Variants in DEPDC5 observed in about 807,000 individuals in gnomAD.
DEPDC5 encodes DEP domain containing 5, GATOR1 subcomplex subunit.
A neutral mutation model predicts 217.3 loss-of-function variants in DEPDC5; 73 were observed. The ratio of observed to expected loss-of-function variants is 0.34; its 90% CI spans 0.28 to 0.41. DEPDC5 has a LOEUF of 0.41. Ranked by LOEUF, DEPDC5 falls within the 10% of genes least tolerant of loss-of-function variation. DEPDC5 has a pLI of 1.00. For missense variants in DEPDC5, 1,675 were observed against 2,070.1 expected (o/e 0.81, Z 3.70); for synonymous variants, 733 against 756.7 (o/e 0.97, Z 0.51).
Position 31,867,073 on chromosome 22 carries a change from G to A in DEPDC5, c.3331-3517G>A, listed in dbSNP as rs144735029. Among the ~76,000 whole-genome samples, 511 of 152,066 alleles carry A rather than the reference G, an allele frequency of 3.4e-3. 2 individuals are homozygous for A. Among genetic ancestry groups the A allele is most frequent in the African/African-American group, 0.012 (490 of 41,484 alleles). On this transcript the variant is annotated intron_variant, in intron 33 of 42. Coordinates refer to ENST00000651528, the MANE Select transcript of DEPDC5 (RefSeq NM_001242896.3). ...ATATGTTCAGTGGAGTCCTTTTTTC[G>A]GACAAGGTTCATAAGATTCTTAAGA...
chr22:31,891,178 C>T, intron 38 of DEPDC5: 1 of 550,744 alleles, frequency 1.8e-6, no homozygotes, highest in South Asian at 1.6e-5. Flanking sequence ...TTTAAACTGT[C>T]AAGTACTAGG....
At chr22:31,776,665 C>T (rs1428929398) in intron 7 of DEPDC5, among the ~76,000 whole-genome samples, 1 of 149,872 alleles carries the variant, frequency 6.7e-6, no homozygotes, top group Non-Finnish European at 1.5e-5. Context: ...CAATCTCTGC[C>T]TCCGGGGTTC....
intron 30 of DEPDC5, 142 bp downstream of exon 30, chr22:31,845,379 TCTC>T: frequency 2.6e-6 from 3 of 1,150,022 alleles, no homozygotes; most frequent in Middle Eastern, 5.6e-4. Flanking sequence ...AACAGTGTTT[TCTC>T]CTCCACCGCG....
chr22:31,795,480 G>A (rs1231935032), intron 12 of DEPDC5, among the ~76,000 whole-genome samples: 6 of 151,848 alleles, frequency 4.0e-5, no homozygotes, highest in African/African-American at 2.4e-5. Context: ...TGCAAACTCC[G>A]CCTTCCAGGT....
intron 10 of DEPDC5, among the ~76,000 whole-genome samples, chr22:31,787,302 C>A (rs565150865): frequency 1.2e-3 from 179 of 152,048 alleles, no homozygotes; most frequent in Admixed American, 2.4e-3. Context: ...CCAGGCTGGT[C>A]TCAAACCCCT....
intron 41 of DEPDC5, among the ~76,000 whole-genome samples, chr22:31,905,605 G>C (rs954332668): frequency 6.6e-6 from 1 of 152,032 alleles, no homozygotes; most frequent in Non-Finnish European, 1.5e-5. Flanking sequence ...GGGGGAGAAC[G>C]CTCAGTGGGA....
rs770400266 is a variant in DEPDC5, at chr22:31,845,248, C to A, written c.3021+11C>A. 3.7e-6 allele frequency: 6 copies of A among 1,610,418 alleles called. No homozygotes were observed. In the African/African-American group the frequency reaches 4.0e-5, roughly 11 times the overall value. ...GATCGCATGATGCGGGTAAGGGCTC[C>A]TTAGACTCAGGGAGTGCGCCTGGTG... On this transcript the variant is annotated intron_variant, in intron 30 of 42. Transcript: ENST00000651528.
intron 38 of DEPDC5, among the ~76,000 whole-genome samples, chr22:31,885,715 A>C (rs1602735979): frequency 8.2e-6 from 1 of 122,448 alleles, no homozygotes; most frequent in Non-Finnish European, 1.6e-5. Flanking sequence ...ACAGAGCGAG[A>C]CTCCATCTCA....
At chr22:31,836,910 C>A (rs556601066) in intron 25 of DEPDC5, 62 bp from the exon 26 acceptor site, 2 of 1,117,288 alleles carry the variant, frequency 1.8e-6, no homozygotes, top group South Asian at 1.3e-5. Context: ...CCTCCCCTGG[C>A]CCCCCATCCC....
chr22:31,796,474 C>G (rs1370889878), intron 12 of DEPDC5, among the ~76,000 whole-genome samples: 1 of 152,122 alleles, frequency 6.6e-6, no homozygotes, highest in Non-Finnish European at 1.5e-5. Context: ...TGACTTCCAG[C>G]TTTTCACTAT....
intron 10 of DEPDC5, among the ~76,000 whole-genome samples, chr22:31,785,867 A>G (rs1601820509): frequency 6.6e-6 from 1 of 152,162 alleles, no homozygotes; most frequent in South Asian, 2.1e-4. Context: ...CTCTTCAACA[A>G]ATTATTCTGG....
intron 23 of DEPDC5, 78 bp from the exon 24 acceptor site, chr22:31,822,615 A>T: frequency 1.4e-6 from 2 of 1,405,860 alleles, no homozygotes; most frequent in Non-Finnish European, 2.0e-6. Flanking sequence ...CCTACCTCCC[A>T]CCCCCGGGAT....
intron 22 of DEPDC5, among the ~76,000 whole-genome samples, chr22:31,820,557 C>G (rs2089592785): frequency 6.6e-6 from 1 of 152,100 alleles, no homozygotes; most frequent in Non-Finnish European, 1.5e-5. Context: ...GGGGTCATGC[C>G]TAAACCCCGT....
intron 7 of DEPDC5, among the ~76,000 whole-genome samples, chr22:31,771,454 G>T (rs1285356084): frequency 1.3e-5 from 2 of 151,944 alleles, no homozygotes; most frequent in South Asian, 2.1e-4. Flanking sequence ...TTGCTGGTTG[G>T]CTCACACCTG....
At chr22:31,777,623 A>G (rs1601751261) in intron 7 of DEPDC5, among the ~76,000 whole-genome samples, 3 of 152,094 alleles carry the variant, frequency 2.0e-5, no homozygotes, top group African/African-American at 4.8e-5. Context: ...CATATTCAGT[A>G]TAGTATGAGA....
chr22:31,855,525 C>T (rs1053455796), intron 31 of DEPDC5, among the ~76,000 whole-genome samples: 6 of 151,846 alleles, frequency 4.0e-5, no homozygotes, highest in South Asian at 2.1e-4. Context: ...TACAGGCGCC[C>T]GCCACAACGC....
At chr22:31,873,905 A>G (rs1351905271) in intron 35 of DEPDC5, 1 of 245,370 alleles carries the variant, frequency 4.1e-6, no homozygotes, top group Non-Finnish European at 7.8e-6. Flanking sequence ...TGATTCTCCC[A>G]CCTCAGCTTC....
rs759420368 is a variant in DEPDC5, at chr22:31,874,358, C to T, written c.3649C>T (p.His1217Tyr). Reference protein sequence around the residue: ...SAEVVHWLVNHVEGIQTQAMA... With the variant: ...SAEVVHWLVNYVEGIQTQAMA... ...GGAGGTGGTACACTGGTTGGTGAAC[C>T]ACGTGGAGGGGATCCAGACACAGGC... Residue 1217 changes from histidine (H) to tyrosine (Y), a missense_variant, in exon 36 of 43, where the codon CAC (histidine) becomes TAC (tyrosine). Transcript: ENST00000651528. 1 of 1,612,234 alleles carries T rather than the reference C, an allele frequency of 6.2e-7. No homozygotes were observed. Among genetic ancestry groups the T allele is most frequent in the Non-Finnish European group, 8.5e-7 (1 of 1,179,268 alleles).
chr22:31,830,369 G>A (rs749561998), intron 24 of DEPDC5, among the ~76,000 whole-genome samples: 1 of 152,260 alleles, frequency 6.6e-6, no homozygotes, highest in Non-Finnish European at 1.5e-5. Flanking sequence ...ATTCCCAAAT[G>A]TTGGGTTGGA....
Sources: allele counts gnomAD v4.1 joint callset (sites outside exome capture counted in the v4.1 genomes callset), GRCh38; gene constraint gnomAD v4.1.1; transcripts MANE v1.5; gene names NCBI Gene and HGNC (gene_info 2026-07-23, HGNC 2026-07-21).